SLC66A3: variants seen among roughly 807,000 people sequenced by gnomAD.
The protein encoded by SLC66A3 is solute carrier family 66 member 3.
SLC66A3 carries 23 observed loss-of-function variants against 25.5 expected under a neutral mutation model. The observed-to-expected ratio is 0.90, with a 90% CI of 0.65 to 1.28. The LOEUF (loss-of-function observed/expected upper bound fraction) is 1.28, where lower values mean the gene tolerates loss of function less well. Among genes scored for constraint, SLC66A3 ranks in the 50% most tolerant of loss-of-function variants. The pLI is 0.00. For missense variants in SLC66A3, 246 were observed against 262.1 expected, an observed-to-expected ratio of 0.94 and a Z score of 0.42; for synonymous variants, 108 against 112.6, an observed-to-expected ratio of 0.96 and a Z score of 0.26.
At chr2:11,159,210 T>C (rs1662024222) in intron 1 of SLC66A3, among the ~76,000 whole-genome samples, 1 of 152,192 alleles carries the variant, frequency 6.6e-6, no homozygotes, top group Admixed American at 6.5e-5. Context: ...AGTGGCTGGC[T>C]GTGGCCCCAC....
intron 3 of SLC66A3, 127 bp downstream of exon 3, chr2:11,160,821 ATCCC>A: frequency 3.3e-6 from 2 of 604,394 alleles, no homozygotes; most frequent in Non-Finnish European, 4.5e-6. Flanking sequence ...AAAAAAAAAA[ATCCC>A]AAATGCAAAC....
rs373825057 is a variant in SLC66A3, at chr2:11,168,303, C to T, written c.355-3622C>T. 1.9e-4 allele frequency among the ~76,000 whole-genome samples: 29 copies of T among 151,708 alleles called. 1 individual carries two copies. The highest frequency in any genetic ancestry group is 6.5e-4 in the African/African-American group (27 of 41,436). ...GTCTGAAAAAAAAAAAAAAGCTCTC[C>T]GTGACAGCTAAGCATCCCTTCTTTC... On this transcript the variant is annotated intron_variant, in intron 4 of 6. Transcript: ENST00000295083.
In SLC66A3 at chr2:11,177,926, T is replaced by C. The variant is rs908894749; in HGVS notation, c.*98T>C. On this transcript the variant is annotated 3_prime_UTR_variant, in exon 7 of 7. Coordinates refer to ENST00000295083, the MANE Select transcript of SLC66A3 (RefSeq NM_152391.5). ...TAAGGTCTTTTATAAATTTAGTAAA[T>C]CAGTTTATAATCTTTAAAGCCAAAG... 7 of 760,626 alleles carry C rather than the reference T, an allele frequency of 9.2e-6. No homozygotes were observed. In the Admixed American group the frequency reaches 1.3e-4, roughly 15 times the overall value. The allele number at this position is 760,626 out of a possible 1,614,324, so 47.1% of individuals were successfully genotyped here.
chr2:11,164,293 G>T, intron 4 of SLC66A3, 32 bp downstream of exon 4: 1 of 1,144,462 alleles, frequency 8.7e-7, no homozygotes, highest in Non-Finnish European at 1.2e-6. Flanking sequence ...AAAGTAGGAG[G>T]AATAAGCTAC....
intron 4 of SLC66A3, 104 bp from the exon 5 acceptor site, chr2:11,171,821 G>T (rs1276417810): frequency 8.3e-7 from 1 of 1,199,852 alleles, no homozygotes; most frequent in African/African-American, 1.5e-5. Context: ...GCCTGCCTCG[G>T]CCTCCCAAAG....
chr2:11,156,789 G>T (rs1572172016), intron 1 of SLC66A3, among the ~76,000 whole-genome samples: 2 of 152,224 alleles, frequency 1.3e-5, no homozygotes, highest in South Asian at 4.1e-4. Flanking sequence ...GGGAGGGGGG[G>T]GTCCCAGGCT....
intron 5 of SLC66A3, 48 bp downstream of exon 5, chr2:11,172,093 G>A (rs761249957): frequency 1.3e-6 from 2 of 1,599,944 alleles, no homozygotes; most frequent in East Asian, 2.2e-5. Flanking sequence ...AGCACCAAGT[G>A]TCTACGTAGT....
At chr2:11,176,706 T>G (rs1212739649) in intron 6 of SLC66A3, among the ~76,000 whole-genome samples, 4 of 148,550 alleles carry the variant, frequency 2.7e-5, no homozygotes, top group Non-Finnish European at 5.9e-5. Flanking sequence ...TTTTTTGTAT[T>G]TTTAGTAGAG....
In SLC66A3 at chr2:11,174,511, T is replaced by C. The variant is rs770490253; in HGVS notation, c.476-457T>C. On this transcript the variant is annotated intron_variant, in intron 5 of 6. Transcript: ENST00000295083. ...TGTTTTTTGTTTTGTTTTGTTTTGT[T>C]TTTGAGACGGAGTCTGGCTCTGTCA... is the stretch of plus-strand genomic sequence containing the variant. Among the ~76,000 whole-genome samples, 205 of 152,242 alleles carry C rather than the reference T, an allele frequency of 1.3e-3. No homozygotes were observed. In the Middle Eastern group the frequency reaches 0.014, roughly 10 times the overall value.
chr2:11,159,457 C>T (rs1046540275), intron 1 of SLC66A3, among the ~76,000 whole-genome samples: 11 of 152,194 alleles, frequency 7.2e-5, no homozygotes, highest in African/African-American at 2.7e-4. Flanking sequence ...ACTCGGGGAC[C>T]AGGCCTGTGG....
Position 11,177,784 on chromosome 2 carries a change from G to A in SLC66A3, c.565G>A (p.Val189Met). ...GCTGGCTTTAAATATATGGGTAACA[G>A]TGACAGTACTTCGCTACCGGAAGAC... ...IMLALNIWVT[V>M]TVLRYRKTAI... Residue 189 changes from valine to methionine, a missense_variant, in exon 7 of 7, where the codon GTG (valine) becomes ATG (methionine). By Grantham distance (21) the Val-to-Met change is conservative. Around this residue, in one of 3 missense-constraint regions of SLC66A3, gnomAD observed 93 missense variants for 102.6 expected, o/e 0.91. Transcript: ENST00000295083. 3.7e-6 allele frequency: 6 copies of A among 1,611,868 alleles called. No individual in the cohort carries two copies. The highest frequency in any genetic ancestry group is 5.1e-6 in the Non-Finnish European group (6 of 1,178,712).
At chr2:11,171,098 A>C (rs1196866534) in intron 4 of SLC66A3, among the ~76,000 whole-genome samples, 2 of 151,896 alleles carry the variant, frequency 1.3e-5, no homozygotes, top group African/African-American at 2.4e-5. Flanking sequence ...CAGGCAGATC[A>C]CCTGAGGTCA....
intron 5 of SLC66A3, 74 bp from the exon 6 acceptor site, chr2:11,174,894 G>A: frequency 1.0e-6 from 1 of 963,282 alleles, no homozygotes. Context: ...ATATTAAAAG[G>A]GAAAGACATT....
In SLC66A3 at chr2:11,177,810, C is replaced by T. The variant is rs781658439; in HGVS notation, c.591C>T (p.Thr197=). ...VTVTVLRYRK[T]AIKAE ...TGACAGTACTTCGCTACCGGAAGAC[C>T]GCTATAAAGGCTGAATGATGGATAC... Residue 197 remains threonine (T), a synonymous_variant, in exon 7 of 7, where the codon ACC becomes ACT. Coordinates refer to ENST00000295083, the MANE Select transcript of SLC66A3 (RefSeq NM_152391.5). 18 of 1,604,412 alleles carry T rather than the reference C, an allele frequency of 1.1e-5. No individual in the cohort carries two copies. Among genetic ancestry groups the T allele is most frequent in the African/African-American group, 5.3e-5 (4 of 74,792 alleles).
intron 1 of SLC66A3, among the ~76,000 whole-genome samples, chr2:11,158,866 C>T (rs1417968618): frequency 1.3e-5 from 2 of 152,192 alleles, no homozygotes; most frequent in African/African-American, 4.8e-5. Flanking sequence ...TGTCCCCACC[C>T]CACCTCCCCA....
chr2:11,165,754 C>G (rs1558254159), intron 4 of SLC66A3, among the ~76,000 whole-genome samples: 1 of 152,248 alleles, frequency 6.6e-6, no homozygotes, highest in Non-Finnish European at 1.5e-5. Flanking sequence ...GAGACTCCAT[C>G]TGCAATCCCG....
intron 6 of SLC66A3, 87 bp from the exon 7 acceptor site, chr2:11,177,650 C>A: frequency 1.3e-6 from 1 of 760,912 alleles, no homozygotes; most frequent in Non-Finnish European, 2.1e-6. Context: ...GGGGGTGAAG[C>A]TTTATTTAGG....
At chr2:11,166,263 G>T (rs1662339430) in intron 4 of SLC66A3, among the ~76,000 whole-genome samples, 1 of 152,180 alleles carries the variant, frequency 6.6e-6, no homozygotes, top group South Asian at 2.1e-4. Flanking sequence ...CTGGAGAGGG[G>T]CTGACTTTTT....
At chr2:11,158,252 T>C (rs984755180) in intron 1 of SLC66A3, among the ~76,000 whole-genome samples, 27 of 152,320 alleles carry the variant, frequency 1.8e-4, no homozygotes, top group Middle Eastern at 3.4e-3. Context: ...GCATGGTGGC[T>C]CATGCCTGTA....
Sources: gnomAD v4.1 joint callset for allele counts (sites outside exome capture counted in the v4.1 genomes callset) on GRCh38, gnomAD v4.1.1 for gene constraint, gnomAD v4.1.1 regional missense constraint, MANE v1.5 for transcripts, NCBI Gene and HGNC (gene_info 2026-07-23, HGNC 2026-07-21) for gene names.